IFT80: variants seen among roughly 807,000 people sequenced by gnomAD.
IFT80 encodes intraflagellar transport 80, also known as intraflagellar transport protein 80 homolog.
Under a neutral mutation model 107.9 loss-of-function variants are expected in IFT80, and 79 were observed. That is an observed-to-expected ratio of 0.73 (90% CI 0.61 to 0.88). The LOEUF (loss-of-function observed/expected upper bound fraction) is 0.88, where lower values mean the gene tolerates loss of function less well. IFT80 is among the 40% of genes least tolerant of loss of function. The pLI, the probability that IFT80 is intolerant of heterozygous loss-of-function variation, is 0.00. For synonymous variants in IFT80, 299 were observed against 300.9 expected (o/e 0.99, Z 0.07); for missense variants, 797 against 914.2 (o/e 0.87, Z 1.65).
chr3:160,356,473 C>G (rs892396156), intron 7 of IFT80, among the ~76,000 whole-genome samples: 1 of 152,018 alleles, frequency 6.6e-6, no homozygotes, highest in Non-Finnish European at 1.5e-5. Flanking sequence ...ATTTTAAGTC[C>G]TTTTAAATAT....
intron 5 of IFT80, among the ~76,000 whole-genome samples, chr3:160,375,063 T>A (rs1243711944): frequency 1.3e-5 from 2 of 152,198 alleles, no homozygotes; most frequent in Non-Finnish European, 2.9e-5. Flanking sequence ...GGAAGTCAGT[T>A]ATCGAAAATG....
At chr3:160,293,372 T>C (rs1176886107) in intron 12 of IFT80, among the ~76,000 whole-genome samples, 4 of 152,248 alleles carry the variant, frequency 2.6e-5, no homozygotes, top group Non-Finnish European at 5.9e-5. Flanking sequence ...TAGTGTCTTC[T>C]GACTCTTACT....
chr3:160,297,656 A>G (rs1285740067), intron 12 of IFT80, among the ~76,000 whole-genome samples: 1 of 152,138 alleles, frequency 6.6e-6, no homozygotes. Flanking sequence ...AGAATTTTTA[A>G]TTAAGTAGGA....
chr3:160,346,121 A>G (rs1213569802), intron 8 of IFT80, among the ~76,000 whole-genome samples: 1 of 152,148 alleles, frequency 6.6e-6, no homozygotes, highest in Non-Finnish European at 1.5e-5. Flanking sequence ...CGTAGTGGGG[A>G]ATGGGGAAAT....
rs768427720 is a variant in IFT80 at position 160,279,214 on chromosome 3, C to T, written c.1815G>A (p.Val605=). 1.2e-5 allele frequency: 20 copies of T among 1,613,524 alleles called. No individual in the cohort carries two copies. The East Asian group carries it at 4.2e-4, about 34-fold the overall frequency. ...YVSSSKWEDA[V]RLCRFVKEQT... ...TTACCTTAACAAAGCGACAAAGTCT[C>T]ACAGCATCTTCCCATTTTGAACTGC... The change falls in exon 16 of 20, where the codon GTG becomes GTA. Residue 605 remains valine, a synonymous_variant. Coordinates refer to ENST00000326448, the MANE Select transcript of IFT80 (RefSeq NM_020800.3).
At chr3:160,384,907 T>G (rs568439807) in intron 1 of IFT80, among the ~76,000 whole-genome samples, 2 of 152,184 alleles carry the variant, frequency 1.3e-5, no homozygotes, top group Non-Finnish European at 2.9e-5. Context: ...GTAAATCTGG[T>G]CAGGTAAAGA....
intron 6 of IFT80, among the ~76,000 whole-genome samples, chr3:160,362,451 C>A (rs1224963190): frequency 1.3e-5 from 2 of 152,188 alleles, no homozygotes; most frequent in African/African-American, 4.8e-5. Flanking sequence ...CAAAGAGGAG[C>A]TGGAACCATT....
intron 10 of IFT80, 134 bp downstream of exon 10, chr3:160,307,529 G>C (rs1436769688): frequency 1.4e-6 from 1 of 723,188 alleles, no homozygotes; most frequent in African/African-American, 1.7e-5. Context: ...TTCCGGGTTT[G>C]AGGTAGTTCA....
At chr3:160,322,387 A>C (rs1718305981) in intron 8 of IFT80, among the ~76,000 whole-genome samples, 1 of 151,878 alleles carries the variant, frequency 6.6e-6, no homozygotes, top group South Asian at 2.1e-4. Flanking sequence ...ATGGCTGCAT[A>C]GTATTCCATG....
intron 13 of IFT80, among the ~76,000 whole-genome samples, chr3:160,284,043 T>A (rs1229507721): frequency 6.6e-6 from 1 of 152,186 alleles, no homozygotes; most frequent in Non-Finnish European, 1.5e-5. Flanking sequence ...TTCTTCCACA[T>A]ATAAAATAAA....
chr3:160,265,336 A>G (rs1222817849), intron 19 of IFT80, among the ~76,000 whole-genome samples: 1 of 152,210 alleles, frequency 6.6e-6, no homozygotes, highest in Non-Finnish European at 1.5e-5. Flanking sequence ...CTAAGCCTAA[A>G]GTGGTTTGTC....
chr3:160,264,410 G>T (rs1020934309), intron 19 of IFT80, among the ~76,000 whole-genome samples: 2 of 149,828 alleles, frequency 1.3e-5, no homozygotes, highest in Non-Finnish European at 3.0e-5. Flanking sequence ...TGCCTGGCCA[G>T]GGATCAGGAT....
At position 160,343,768 on chromosome 3, in the gene IFT80, A is replaced by C. The variant is rs191055221; in HGVS notation, c.777+12245T>G. On this transcript the variant is annotated intron_variant, in intron 8 of 19. Coordinates refer to ENST00000326448, the MANE Select transcript of IFT80 (RefSeq NM_020800.3). Reference sequence around the variant, plus strand: ...TTTATAGCACTCATTACCATTTAAAATATGTTACTTTTGCTTGTTTATAGT... The same window carrying C: ...TTTATAGCACTCATTACCATTTAAACTATGTTACTTTTGCTTGTTTATAGT... The C allele has an allele frequency of 7.1e-4, 253 of 355,082 alleles. 1 individual carries two copies. Among genetic ancestry groups the C allele is most frequent in the African/African-American group, 5.0e-3 (228 of 45,502 alleles). The allele number at this position is 355,082 out of a possible 1,614,324, so 22.0% of individuals were successfully genotyped here.
intron 10 of IFT80, among the ~76,000 whole-genome samples, chr3:160,305,321 T>C (rs1716761696): frequency 1.3e-5 from 2 of 152,138 alleles, no homozygotes; most frequent in Admixed American, 1.3e-4. Context: ...AATCTGATAA[T>C]CATTTCAGTA....
At chr3:160,384,734 G>C in intron 1 of IFT80, 88 bp from the exon 2 acceptor site, 1 of 958,464 alleles carries the variant, frequency 1.0e-6, no homozygotes, top group South Asian at 1.5e-5. Context: ...AAACATCATT[G>C]CACCCCAACG....
intron 9 of IFT80, among the ~76,000 whole-genome samples, chr3:160,312,157 T>C (rs1717318395): frequency 6.6e-6 from 1 of 152,164 alleles, no homozygotes; most frequent in African/African-American, 2.4e-5. Flanking sequence ...GCCACAGCTA[T>C]ATGACTGCAG....
At chr3:160,306,264 T>C (rs1167802359) in intron 10 of IFT80, among the ~76,000 whole-genome samples, 1 of 152,132 alleles carries the variant, frequency 6.6e-6, no homozygotes, top group Non-Finnish European at 1.5e-5. Context: ...TTAAGCAACT[T>C]CTCTAATACA....
rs372710243 is a variant in IFT80 at position 160,377,496 on chromosome 3, C to G, written c.304G>C (p.Val102Leu). The G allele has an allele frequency of 6.2e-7, 1 of 1,609,498 alleles. No individual in the cohort carries two copies. The highest frequency in any genetic ancestry group is 1.3e-5 in the African/African-American group (1 of 74,762). ...ISKLGRVEKS[V>L]EAHCGAVLAG... ...AGTACTGCTCCACAGTGAGCTTCTA[C>G]ACTTTTTTCCACTCTTCCTAACTTG... is the stretch of plus-strand genomic sequence containing the variant. Residue 102 changes from valine to leucine, a missense_variant, in exon 4 of 20, where the codon GTA becomes CTA. Physicochemically the swap from Val to Leu is conservative, Grantham distance 32. Coordinates refer to ENST00000326448, the MANE Select transcript of IFT80 (RefSeq NM_020800.3).
chr3:160,368,875 G>A lies in IFT80; in HGVS notation c.440-2723C>T, dbSNP rs112963507. Among the ~76,000 whole-genome samples, 262 of 151,958 alleles carry A rather than the reference G, an allele frequency of 1.7e-3. 1 individual carries two copies. Among genetic ancestry groups the A allele is most frequent in the African/African-American group, 5.8e-3 (241 of 41,534 alleles). ...ACTTTCCTGGCGTGTATACCAAACTGTGACAAACATCTACCCTCAAGGAAA... is the reference window on the plus strand; with the variant it reads ...ACTTTCCTGGCGTGTATACCAAACTATGACAAACATCTACCCTCAAGGAAA... On this transcript the variant is annotated intron_variant, in intron 5 of 19. Coordinates refer to ENST00000326448, the MANE Select transcript of IFT80 (RefSeq NM_020800.3).
Sources: allele counts gnomAD v4.1 joint callset (sites outside exome capture counted in the v4.1 genomes callset), GRCh38; gene constraint gnomAD v4.1.1; transcripts MANE v1.5; gene names NCBI Gene and HGNC (gene_info 2026-07-23, HGNC 2026-07-21).